VEGFC: variants seen among roughly 807,000 people sequenced by gnomAD.
VEGFC encodes the protein FLT4 ligand DHM.
Under a neutral mutation model 46.1 loss-of-function variants are expected in VEGFC, and 12 were observed. The ratio of observed to expected loss-of-function variants is 0.26; its 90% CI spans 0.17 to 0.42. The LOEUF is 0.42. Among genes scored for constraint, VEGFC ranks in the 10% least tolerant of loss-of-function variants. The pLI, the probability that VEGFC is intolerant of heterozygous loss-of-function variation, is 1.00. For synonymous variants in VEGFC, 232 were observed against 195.5 expected (o/e 1.19, Z -1.56); for missense variants, 488 against 529.4 (o/e 0.92, Z 0.77).
chr4:176,703,024 T>C (rs998318218), intron 4 of VEGFC, among the ~76,000 whole-genome samples: 4 of 152,054 alleles, frequency 2.6e-5, no homozygotes, highest in Non-Finnish European at 5.9e-5. Context: ...TGTTAATAAA[T>C]CCAGATGCCA....
intron 1 of VEGFC, among the ~76,000 whole-genome samples, chr4:176,769,814 G>T (rs1472823579): frequency 6.6e-6 from 1 of 152,106 alleles, no homozygotes; most frequent in African/African-American, 2.4e-5. Context: ...AGCTCCTGAG[G>T]CCCATCACTA....
chr4:176,792,434 C>T lies in VEGFC; in HGVS notation c.-123G>A. ...CCCCCGGGCTCCTCCCGGCGACCCC[C>T]CCTGGGCGAGCCGGAGGCGGCGGGA... On this transcript the variant is annotated 5_prime_UTR_variant, in exon 1 of 7. Transcript: ENST00000618562. This position sits in a 1 kb window ranked among gnomAD's most constrained non-coding sequence, Gnocchi z 6.3. The T allele has an allele frequency of 1.3e-6, 1 of 743,526 alleles. No homozygotes were observed. Among genetic ancestry groups the T allele is most frequent in the South Asian group, 3.6e-5 (1 of 27,882 alleles). The allele number at this position is 743,526 out of a possible 1,614,324, so 46.1% of individuals were successfully genotyped here.
At chr4:176,687,743 G>T in intron 5 of VEGFC, 78 bp downstream of exon 5, 3 of 1,094,494 alleles carry the variant, frequency 2.7e-6, no homozygotes, top group South Asian at 1.5e-5. Flanking sequence ...AATATTATAT[G>T]TGTGGTTTTA....
intron 4 of VEGFC, among the ~76,000 whole-genome samples, chr4:176,706,883 G>T (rs1357116640): frequency 6.6e-6 from 1 of 152,094 alleles, no homozygotes; most frequent in East Asian, 1.9e-4. Context: ...CTTGCCCATT[G>T]TCAGTCAATC....
chr4:176,729,231 A>C (rs575190302), intron 2 of VEGFC, among the ~76,000 whole-genome samples: 1 of 152,232 alleles, frequency 6.6e-6, no homozygotes, highest in East Asian at 1.9e-4. Context: ...TTAAGTTATT[A>C]AACAGATATA....
Position 176,716,087 on chromosome 4 carries a change from T to G in VEGFC, c.553-4437A>C, listed in dbSNP as rs115285824. ...TCCTCCTCTTCTTTCTCTTGTTCTT[T>G]ATCATCATTCACATCAGCCAAGATT... On this transcript the variant is annotated intron_variant, in intron 3 of 6. Coordinates refer to ENST00000618562, the MANE Select transcript of VEGFC (RefSeq NM_005429.5). Among the ~76,000 whole-genome samples, 1,111 of 152,332 alleles carry G rather than the reference T, an allele frequency of 7.3e-3. 6 individuals are homozygous for G. Among genetic ancestry groups the G allele is most frequent in the Admixed American group, 0.012 (189 of 15,300 alleles).
At chr4:176,758,773 A>T (rs1735478530) in intron 1 of VEGFC, among the ~76,000 whole-genome samples, 1 of 152,108 alleles carries the variant, frequency 6.6e-6, no homozygotes, top group Non-Finnish European at 1.5e-5. Context: ...ACCAGTCGTC[A>T]TTTACATCCA....
chr4:176,730,607 G>C (rs1734946645), intron 1 of VEGFC, among the ~76,000 whole-genome samples: 1 of 151,810 alleles, frequency 6.6e-6, no homozygotes, highest in Non-Finnish European at 1.5e-5. Context: ...AAATACTTTG[G>C]ACACTGGTTC....
intron 1 of VEGFC, among the ~76,000 whole-genome samples, chr4:176,784,070 T>G (rs12641632): frequency 2.2e-4 from 7 of 31,710 alleles, no homozygotes; most frequent in Non-Finnish European, 1.2e-3. Context: ...GCTGTTTTTT[T>G]TTTTTTTTTT....
At chr4:176,697,573 G>T (rs1734343055) in intron 4 of VEGFC, among the ~76,000 whole-genome samples, 1 of 150,360 alleles carries the variant, frequency 6.7e-6, no homozygotes, top group African/African-American at 2.4e-5. Context: ...GGAAGTCAGT[G>T]TGGCGATTCC....
chr4:176,739,300 T>C (rs1321971060), intron 1 of VEGFC, among the ~76,000 whole-genome samples: 5 of 151,718 alleles, frequency 3.3e-5, no homozygotes, highest in Non-Finnish European at 5.9e-5. Context: ...ATCCCATTAC[T>C]GGGTATATAC....
rs140903782 is a variant in VEGFC at position 176,753,034 on chromosome 4, A to G, written c.148-23288T>C. Among the ~76,000 whole-genome samples the G allele has an allele frequency of 8.4e-3, 1,281 of 152,190 alleles. 12 individuals carry two copies. The highest frequency in any genetic ancestry group is 0.029 in the African/African-American group (1,224 of 41,542). On this transcript the variant is annotated intron_variant, in intron 1 of 6. Coordinates refer to ENST00000618562, the MANE Select transcript of VEGFC (RefSeq NM_005429.5). ...CAACTGCTAGTTGTCATTGACAGCA[A>G]TTAACTAAAACCTACAAGGAGGAGA...
intron 4 of VEGFC, among the ~76,000 whole-genome samples, chr4:176,700,544 T>C (rs772208173): frequency 5.9e-5 from 9 of 152,162 alleles, no homozygotes; most frequent in Non-Finnish European, 1.3e-4. Context: ...TCACATTGTG[T>C]GGTCACCAAC....
intron 3 of VEGFC, among the ~76,000 whole-genome samples, chr4:176,723,061 T>G (rs1734815371): frequency 6.6e-6 from 1 of 152,204 alleles, no homozygotes; most frequent in South Asian, 2.1e-4. Flanking sequence ...CAAGTTTAGA[T>G]TTTACCTAAG....
intron 4 of VEGFC, among the ~76,000 whole-genome samples, chr4:176,710,595 T>C (rs1734605445): frequency 6.6e-6 from 1 of 152,190 alleles, no homozygotes; most frequent in Admixed American, 6.6e-5. Flanking sequence ...TTTAAAAATG[T>C]AAGGTTTTCT....
chr4:176,749,128 A>T (rs1735302227), intron 1 of VEGFC, among the ~76,000 whole-genome samples: 1 of 151,990 alleles, frequency 6.6e-6, no homozygotes, highest in Non-Finnish European at 1.5e-5. Context: ...CTGAGTATAG[A>T]CTTGGTCTCA....
intron 3 of VEGFC, among the ~76,000 whole-genome samples, chr4:176,719,801 C>G (rs1256456835): frequency 2.6e-5 from 4 of 152,140 alleles, no homozygotes; most frequent in African/African-American, 9.7e-5. Context: ...TGGCTCATGC[C>G]TGTAATCCCA....
At position 176,754,125 on chromosome 4, in the gene VEGFC, T is replaced by G. The variant is rs558910972; in HGVS notation, c.148-24379A>C. On this transcript the variant is annotated intron_variant, in intron 1 of 6. Transcript: ENST00000618562. ...AGAATTCCAACTTAGTTTTGCTTAC[T>G]CGAATTTCGAATTCTTTCAATGGTC... 2.0e-5 allele frequency among the ~76,000 whole-genome samples: 3 copies of G among 152,136 alleles called. No individual in the cohort carries two copies. The South Asian group carries it at 6.2e-4, about 32-fold the overall frequency.
At chr4:176,782,953 G>A (rs1735940972) in intron 1 of VEGFC, among the ~76,000 whole-genome samples, 1 of 152,172 alleles carries the variant, frequency 6.6e-6, no homozygotes, top group Admixed American at 6.5e-5. Flanking sequence ...TCAAGAGCTG[G>A]GAAGTGTGTC....
Sources: allele counts gnomAD v4.1 joint callset (sites outside exome capture counted in the v4.1 genomes callset), GRCh38; gene constraint gnomAD v4.1.1; non-coding constraint Gnocchi (gnomAD v3.1); transcripts MANE v1.5; gene names NCBI Gene and HGNC (gene_info 2026-07-23, HGNC 2026-07-21).